Variants in FAT4 observed in about 807,000 individuals in gnomAD.
FAT4 encodes the protein FAT atypical cadherin 4.
Under a neutral mutation model 303.9 loss-of-function variants are expected in FAT4, and 84 were observed. The observed-to-expected ratio is 0.28, with a 90% CI of 0.23 to 0.33. The LOEUF (loss-of-function observed/expected upper bound fraction) is 0.33, where lower values mean the gene tolerates loss of function less well. FAT4 is among the 10% of genes least tolerant of loss of function. The pLI is 1.00. For synonymous variants in FAT4, 2,307 were observed against 2,298.8 expected, an observed-to-expected ratio of 1.00 and a Z score of -0.10; for missense variants, 6,005 against 6,146.8, an observed-to-expected ratio of 0.98 and a Z score of 0.77.
intron 8 of FAT4, among the ~76,000 whole-genome samples, chr4:125,439,335 C>CTT (rs748291081): frequency 8.8e-4 from 123 of 140,040 alleles, no homozygotes; most frequent in South Asian, 3.0e-3. Flanking sequence ...GATTTCTTTT[C>CTT]TTTTTTTTTT....
At chr4:125,394,902 C>T (rs1227235011) in intron 2 of FAT4, among the ~76,000 whole-genome samples, 1 of 152,140 alleles carries the variant, frequency 6.6e-6, no homozygotes, top group Non-Finnish European at 1.5e-5. Context: ...AGTACATCAC[C>T]TATTTTCTAC....
chr4:125,421,921 C>T (rs1578625318), intron 7 of FAT4, among the ~76,000 whole-genome samples: 2 of 152,160 alleles, frequency 1.3e-5, no homozygotes, highest in East Asian at 3.9e-4. Context: ...TTAAGGAAAT[C>T]AGGATATTCC....
Position 125,317,689 on chromosome 4 carries a change from G to A in FAT4, c.1278G>A (p.Leu426=). The A allele has an allele frequency of 6.2e-7, 1 of 1,614,052 alleles. No homozygotes were observed. Among genetic ancestry groups the A allele is most frequent in the Non-Finnish European group, 8.5e-7 (1 of 1,179,996 alleles). Residue 426 remains leucine, a synonymous_variant, in exon 2 of 18, where the codon TTG becomes TTA. Transcript: ENST00000394329. This position sits in a 1 kb window ranked among gnomAD's most constrained non-coding sequence, Gnocchi z 7.0. ...GCCTAATCAAGGTGGCCAGCGCCTT[G>A]GACCGCGAGCGCATCCCTTCCTACA... is the stretch of plus-strand genomic sequence containing the variant. The part of the protein sequence containing the change: ...NLSLIKVASA[L]DRERIPSYNL...
At chr4:125,399,109 C>T (rs1229152268) in intron 3 of FAT4, among the ~76,000 whole-genome samples, 194 bp downstream of exon 3, 1 of 152,064 alleles carries the variant, frequency 6.6e-6, no homozygotes, top group Non-Finnish European at 1.5e-5. Context: ...TAATTTTCCT[C>T]TGATCAGCAA....
At chr4:125,435,304 A>G (rs1725414336) in intron 8 of FAT4, among the ~76,000 whole-genome samples, 1 of 152,114 alleles carries the variant, frequency 6.6e-6, no homozygotes, top group Admixed American at 6.5e-5. Context: ...CAAAGGTTCT[A>G]GAGAAAAACT....
intron 2 of FAT4, among the ~76,000 whole-genome samples, chr4:125,397,918 G>A (rs1216711568): frequency 6.6e-6 from 1 of 152,086 alleles, no homozygotes; most frequent in Non-Finnish European, 1.5e-5. Flanking sequence ...CTAAATGGAT[G>A]GGTGGGTTTT....
In FAT4 at chr4:125,415,612, T is replaced by A; in HGVS notation, c.6649T>A (p.Leu2217Met). 6.2e-7 allele frequency: 1 copy of A among 1,614,036 alleles called. No individual in the cohort carries two copies. The highest frequency in any genetic ancestry group is 8.5e-7 in the Non-Finnish European group (1 of 1,179,974). Residue 2217 changes from leucine (L) to methionine (M), a missense_variant, in exon 6 of 18, where the codon TTG (leucine) becomes ATG (methionine). Coordinates refer to ENST00000394329, the MANE Select transcript of FAT4 (RefSeq NM_001291303.3). ...VTGAITVAKP[L>M]DREKTPTYHL... ...AGGTGCCATCACTGTCGCTAAACCTTTGGATAGAGAAAAGACCCCTACCTA... is the reference window on the plus strand; with the variant it reads ...AGGTGCCATCACTGTCGCTAAACCTATGGATAGAGAAAAGACCCCTACCTA...
chr4:125,435,423 G>A (rs1294736058), intron 8 of FAT4, among the ~76,000 whole-genome samples: 1 of 152,202 alleles, frequency 6.6e-6, no homozygotes, highest in Non-Finnish European at 1.5e-5. Context: ...GATAAAATTT[G>A]AGACATTAAG....
chr4:125,448,546 T>C lies in FAT4; in HGVS notation c.7536T>C (p.Ser2512=). The C allele has an allele frequency of 6.2e-7, 1 of 1,613,950 alleles. No individual in the cohort carries two copies. The highest frequency in any genetic ancestry group is 8.5e-7 in the Non-Finnish European group (1 of 1,179,890). The stretch of plus-strand genomic sequence containing the variant: ...ATTATTCTCTTTCGGGTAGAAATTC[T>C]GAAAAATTTCACATTGACCCACTGA... ...ELHYSLSGRN[S]EKFHIDPLRG... Residue 2512 remains serine, a synonymous_variant, in exon 10 of 18, where the codon TCT becomes TCC. Transcript: ENST00000394329.
chr4:125,422,722 G>A (rs74856924), intron 7 of FAT4, among the ~76,000 whole-genome samples: 4,968 of 152,238 alleles, frequency 0.033, 113 homozygotes, highest in Middle Eastern at 0.071. Context: ...ATATCAGAGA[G>A]AGTAGGGCAC....
intron 7 of FAT4, among the ~76,000 whole-genome samples, chr4:125,426,563 T>G (rs538322135): frequency 6.6e-6 from 1 of 152,214 alleles, no homozygotes; most frequent in East Asian, 1.9e-4. Flanking sequence ...CTAAATCATT[T>G]ATTTAAATAG....
chr4:125,377,423 T>A (rs1733375215), intron 2 of FAT4, among the ~76,000 whole-genome samples: 1 of 152,116 alleles, frequency 6.6e-6, no homozygotes, highest in African/African-American at 2.4e-5. Context: ...CTCCTCCCTA[T>A]ATTTATGATT....
At position 125,449,632 on chromosome 4, in the gene FAT4, T is replaced by C. The variant is rs1191643720; in HGVS notation, c.8622T>C (p.Phe2874=). The C allele has an allele frequency of 8.7e-6, 14 of 1,613,826 alleles. No homozygotes were observed. The highest frequency in any genetic ancestry group is 1.0e-5 in the Non-Finnish European group (12 of 1,179,928). ...VTDINDNAPR[F]SRTSYYLDCP... ...ACATCAATGACAATGCTCCAAGATT[T>C]AGCAGAACTTCCTATTATTTAGATT... The change falls in exon 10 of 18, where the codon TTT becomes TTC. Residue 2874 remains phenylalanine (F), a synonymous_variant. Transcript: ENST00000394329.
At chr4:125,368,913 G>A (rs1732995208) in intron 2 of FAT4, among the ~76,000 whole-genome samples, 1 of 152,026 alleles carries the variant, frequency 6.6e-6, no homozygotes, top group Admixed American at 6.6e-5. Context: ...CTTTGTTGCT[G>A]TACACCCTTT....
At chr4:125,485,529 T>C (rs1727377472) in intron 16 of FAT4, among the ~76,000 whole-genome samples, 1 of 152,176 alleles carries the variant, frequency 6.6e-6, no homozygotes, top group African/African-American at 2.4e-5. Flanking sequence ...CACCTCCACA[T>C]CTTGTCCCAG....
chr4:125,414,681 C>T (rs1219699380), intron 5 of FAT4, among the ~76,000 whole-genome samples: 1 of 152,052 alleles, frequency 6.6e-6, no homozygotes, highest in African/African-American at 2.4e-5. Flanking sequence ...GAATATTTTT[C>T]TCCTCTTTAC....
chr4:125,350,147 G>T (rs967704982), intron 2 of FAT4, among the ~76,000 whole-genome samples: 1 of 151,614 alleles, frequency 6.6e-6, no homozygotes, highest in Non-Finnish European at 1.5e-5. Flanking sequence ...ACAAAGTAAT[G>T]GTAAATTTTG....
chr4:125,397,213 A>G (rs7666354), intron 2 of FAT4, among the ~76,000 whole-genome samples: 15,024 of 151,990 alleles, frequency 0.099, 1,332 homozygotes, highest in African/African-American at 0.24. Context: ...TTCTTTACCT[A>G]TATCATCAGG....
At chr4:125,398,190 C>T (rs1172012391) in intron 2 of FAT4, among the ~76,000 whole-genome samples, 1 of 152,114 alleles carries the variant, frequency 6.6e-6, no homozygotes, top group Non-Finnish European at 1.5e-5. Flanking sequence ...ATCCACATGA[C>T]ATCTGAAAGA....
Sources: gnomAD v4.1 joint callset for allele counts (sites outside exome capture counted in the v4.1 genomes callset) on GRCh38, gnomAD v4.1.1 for gene constraint, Gnocchi (gnomAD v3.1) non-coding constraint, MANE v1.5 for transcripts, NCBI Gene and HGNC (gene_info 2026-07-23, HGNC 2026-07-21) for gene names.